The following GGT5 variants were observed in gnomAD, a reference collection of about 807,000 sequenced individuals.
GGT5 encodes the protein glutathione hydrolase 5 proenzyme.
GGT5 carries 50 observed loss-of-function variants against 58.1 expected under a neutral mutation model. The observed-to-expected ratio is 0.86, with a 90% CI of 0.69 to 1.09. The LOEUF (loss-of-function observed/expected upper bound fraction) is 1.09, where lower values mean the gene tolerates loss of function less well. Ranked by LOEUF, GGT5 falls within the 50% of genes least tolerant of loss-of-function variation. The pLI is 0.00. For missense variants in GGT5, 800 were observed against 789.4 expected (o/e 1.01, Z -0.16); for synonymous variants, 370 against 346.1 (o/e 1.07, Z -0.77).
At chr22:24,235,351 CCCGGCCAGAA>C in intron 1 of GGT5, among the ~76,000 whole-genome samples, 2 of 152,216 alleles carry the variant, frequency 1.3e-5, no homozygotes, top group Admixed American at 6.5e-5. Flanking sequence ...AGCCACTGTG[CCCGGCCAGAA>C]GCCAGCATTT....
intron 2 of GGT5, 34 bp downstream of exon 2, chr22:24,233,840 C>T: frequency 6.3e-7 from 1 of 1,597,660 alleles, no homozygotes; most frequent in African/African-American, 1.3e-5. Flanking sequence ...TGGACAAGCC[C>T]ATCTTCCCCA....
At chr22:24,227,803 TG>T (rs1378664264) in intron 6 of GGT5, among the ~76,000 whole-genome samples, 1 of 151,950 alleles carries the variant, frequency 6.6e-6, no homozygotes, top group Non-Finnish European at 1.5e-5. Flanking sequence ...GGCTCACACC[TG>T]TAGTCCCAGC....
In GGT5 at chr22:24,232,223, G is replaced by A. The variant is rs1335181188; in HGVS notation, c.597-15C>T. On this transcript the variant is annotated splice_polypyrimidine_tract_variant and intron_variant, in intron 4 of 11. Coordinates refer to ENST00000327365, the MANE Select transcript of GGT5 (RefSeq NM_004121.5). ...AGAAGAGCTGGCTGGGGGGTGGGGG[G>A]AGCCTCAGGGTGGGGCCAGGTCCCA... is the stretch of plus-strand genomic sequence containing the variant. The A allele has an allele frequency of 5.6e-6, 5 of 890,650 alleles. No individual in the cohort carries two copies. The highest frequency in any genetic ancestry group is 3.1e-5 in the South Asian group (2 of 64,428). 55.2% of individuals were successfully genotyped at this position (890,650 alleles called of 1,614,324 possible).
intron 1 of GGT5, among the ~76,000 whole-genome samples, chr22:24,239,734 G>A (rs943038168): frequency 3.3e-5 from 5 of 152,004 alleles, no homozygotes; most frequent in Non-Finnish European, 7.4e-5. Flanking sequence ...GTCACTGGGG[G>A]TAAATTTAGT....
chr22:24,227,212 A>G (rs2047795099), intron 6 of GGT5, among the ~76,000 whole-genome samples: 1 of 148,116 alleles, frequency 6.8e-6, no homozygotes, highest in Non-Finnish European at 1.5e-5. Flanking sequence ...GGCCTCCCAA[A>G]GTGCTAGGAT....
At chr22:24,220,747 T>C (rs1302952960) in intron 11 of GGT5, 2 of 448,772 alleles carry the variant, frequency 4.5e-6, no homozygotes, top group East Asian at 7.0e-5. Context: ...AAATCAAAAA[T>C]TGGGCTGGGC....
At chr22:24,239,208 G>A (rs1264025052) in intron 1 of GGT5, among the ~76,000 whole-genome samples, 2 of 150,150 alleles carry the variant, frequency 1.3e-5, no homozygotes, top group African/African-American at 2.5e-5. Context: ...GCGTGGTGGC[G>A]GGTGACTGTA....
Position 24,232,903 on chromosome 22 carries a change from C to A in GGT5, c.516G>T (p.Gly172=). 6.3e-7 allele frequency: 1 copy of A among 1,583,842 alleles called. No individual in the cohort carries two copies. Among genetic ancestry groups the A allele is most frequent in the Non-Finnish European group, 8.6e-7 (1 of 1,164,718 alleles). Reference sequence around the variant, plus strand: ...TGAGGACAGGGGCCACCACATGCCCCCCTCGGAGCAGCGCGATGGTGGGCT... The same window carrying A: ...TGAGGACAGGGGCCACCACATGCCCACCTCGGAGCAGCGCGATGGTGGGCT... ...LFQPTIALLR[G]GHVVAPVLSR... is the part of the protein sequence containing the mutation. The change falls in exon 4 of 12, where the codon GGG becomes GGT. Residue 172 remains glycine (G), a synonymous_variant. Transcript: ENST00000327365.
chr22:24,238,603 C>T (rs533127895), intron 1 of GGT5, among the ~76,000 whole-genome samples: 1 of 139,248 alleles, frequency 7.2e-6, no homozygotes, highest in African/African-American at 2.7e-5. Flanking sequence ...ACTCAGGTGG[C>T]TGAGACAGGA....
intron 2 of GGT5, 64 bp from the exon 3 acceptor site, chr22:24,233,657 G>T: frequency 1.0e-6 from 1 of 992,132 alleles, no homozygotes; most frequent in Non-Finnish European, 1.5e-6. Flanking sequence ...CCTGCTCTAG[G>T]CCTCAGTTTC....
At chr22:24,231,979 C>G (rs1000493290) in intron 5 of GGT5, 72 bp downstream of exon 5, 35 of 1,339,420 alleles carry the variant, frequency 2.6e-5, no homozygotes, top group East Asian at 1.6e-4. Flanking sequence ...GGAGCCTGCC[C>G]TCAACCCCCA....
At chr22:24,241,623 G>A (rs1349646814) in intron 1 of GGT5, 1 of 152,100 alleles carries the variant, frequency 6.6e-6, no homozygotes, top group Non-Finnish European at 1.5e-5. Context: ...ACAAGTATTT[G>A]ACCAAACAAC....
At chr22:24,222,910 T>C (rs924810400) in intron 11 of GGT5, among the ~76,000 whole-genome samples, 9 of 151,908 alleles carry the variant, frequency 5.9e-5, no homozygotes, top group African/African-American at 1.9e-4. Flanking sequence ...ACCCTGTCTC[T>C]ACTAAAAATA....
At chr22:24,220,693 T>A (rs1241925136) in intron 11 of GGT5, 1 of 455,106 alleles carries the variant, frequency 2.2e-6, no homozygotes, top group South Asian at 1.6e-5. Context: ...GCCAGGAGTT[T>A]GAGAACAGCC....
intron 1 of GGT5, chr22:24,241,802 A>G (rs1415698054): frequency 1.4e-5 from 2 of 141,136 alleles, no homozygotes; most frequent in East Asian, 4.0e-4. Flanking sequence ...ACAAAAATAT[A>G]AACTTTTCTT....
intron 1 of GGT5, 111 bp downstream of exon 1, chr22:24,244,440 ACT>A (rs375272400): frequency 4.5e-6 from 4 of 887,854 alleles, no homozygotes; most frequent in African/African-American, 3.3e-5. Context: ...ATACCCAGAC[ACT>A]CACACACACA....
chr22:24,226,768 C>T lies in GGT5; in HGVS notation c.902-1G>A, dbSNP rs528172028. The T allele has an allele frequency of 3.7e-6, 6 of 1,613,980 alleles. No homozygotes were observed. In the African/African-American group the frequency reaches 8.0e-5, roughly 22 times the overall value. On this transcript the variant is annotated splice_acceptor_variant, in intron 6 of 11. Coordinates refer to ENST00000327365, the MANE Select transcript of GGT5 (RefSeq NM_004121.5). LOFTEE classifies it high-confidence loss of function. ...ATAGACTCTGTTGAGAAGTTGAACC[C>T]TGGAGAGAGGTTGGGGCACAGGTTG...
At chr22:24,238,923 ATAATATATATTATATAATATATAT>A (rs2048240173) in intron 1 of GGT5, among the ~76,000 whole-genome samples, 1 of 23,874 alleles carries the variant, frequency 4.2e-5, no homozygotes, top group African/African-American at 2.4e-4. Context: ...TATTATATAT[ATAATATATATTATATAATATATAT>A]ATATATATAT....
intron 5 of GGT5, 66 bp from the exon 6 acceptor site, chr22:24,231,596 C>G: frequency 6.7e-7 from 1 of 1,483,586 alleles, no homozygotes; most frequent in Non-Finnish European, 9.2e-7. Flanking sequence ...ATAGCCACTG[C>G]TGTCAGGTCA....
Sources: allele counts gnomAD v4.1 joint callset (sites outside exome capture counted in the v4.1 genomes callset), GRCh38; gene constraint gnomAD v4.1.1; transcripts MANE v1.5; gene names NCBI Gene and HGNC (gene_info 2026-07-23, HGNC 2026-07-21).